IGF2BP3: variants seen among roughly 807,000 people sequenced by gnomAD.
The protein encoded by IGF2BP3 is insulin like growth factor 2 mRNA binding protein 3, also known as insulin-like growth factor 2 mRNA-binding protein 3.
IGF2BP3 carries 9 observed loss-of-function variants against 73.8 expected under a neutral mutation model. The observed-to-expected ratio is 0.12, with a 90% CI of 0.07 to 0.21. The LOEUF is 0.21. IGF2BP3 is among the 10% of genes least tolerant of loss of function. The pLI is 1.00. For synonymous variants in IGF2BP3, 258 were observed against 256.7 expected, an observed-to-expected ratio of 1.01 and a Z score of -0.05; for missense variants, 542 against 714.0, an observed-to-expected ratio of 0.76 and a Z score of 2.75.
intron 3 of IGF2BP3, chr7:23,394,577 T>C (rs2128522506): frequency 6.6e-6 from 1 of 152,312 alleles, no homozygotes; most frequent in East Asian, 1.9e-4. Context: ...AAGTTAAATA[T>C]TCTAACAATA....
chr7:23,326,253 C>A (rs1473544367), intron 10 of IGF2BP3, among the ~76,000 whole-genome samples: 1 of 152,012 alleles, frequency 6.6e-6, no homozygotes, highest in Non-Finnish European at 1.5e-5. Context: ...AAAAGTGGGC[C>A]AAGGACATGA....
intron 2 of IGF2BP3, among the ~76,000 whole-genome samples, chr7:23,449,654 C>A (rs1334241291): frequency 6.7e-6 from 1 of 148,264 alleles, no homozygotes; most frequent in African/African-American, 2.5e-5. Context: ...GCCTCCCAGG[C>A]TGAAGGGATT....
chr7:23,415,971 T>C (rs751118871), intron 3 of IGF2BP3, among the ~76,000 whole-genome samples: 1 of 152,220 alleles, frequency 6.6e-6, no homozygotes, highest in Non-Finnish European at 1.5e-5. Flanking sequence ...TATTATATCA[T>C]AGCTAAAACA....
At chr7:23,436,536 G>A (rs551018304) in intron 2 of IGF2BP3, among the ~76,000 whole-genome samples, 118 of 152,164 alleles carry the variant, frequency 7.8e-4, no homozygotes, top group African/African-American at 2.5e-3. Context: ...AGTCACCATC[G>A]ACACAAATGT....
At chr7:23,468,936 G>T (rs1444769935) in intron 1 of IGF2BP3, among the ~76,000 whole-genome samples, 1 of 152,188 alleles carries the variant, frequency 6.6e-6, no homozygotes, top group Non-Finnish European at 1.5e-5. Flanking sequence ...GGGCGCCCTG[G>T]CCCTGCCCTC....
At chr7:23,395,898 C>A (rs1786442017) in intron 3 of IGF2BP3, among the ~76,000 whole-genome samples, 1 of 152,048 alleles carries the variant, frequency 6.6e-6, no homozygotes, top group Non-Finnish European at 1.5e-5. Context: ...TGCACTCCAG[C>A]CTGGGCAACA....
At chr7:23,316,369 A>G (rs936224223) in intron 12 of IGF2BP3, among the ~76,000 whole-genome samples, 1 of 152,114 alleles carries the variant, frequency 6.6e-6, no homozygotes, top group Non-Finnish European at 1.5e-5. Context: ...AGTTACTGTT[A>G]CACTTTAAGG....
chr7:23,367,135 C>A (rs149951280), intron 3 of IGF2BP3, among the ~76,000 whole-genome samples: 170 of 152,180 alleles, frequency 1.1e-3, no homozygotes, highest in Non-Finnish European at 1.0e-3. Context: ...TGTGCCACCA[C>A]GCCTGGCTAC....
chr7:23,380,095 A>C (rs1240124889), intron 3 of IGF2BP3, among the ~76,000 whole-genome samples: 2 of 152,106 alleles, frequency 1.3e-5, no homozygotes, highest in African/African-American at 2.4e-5. Flanking sequence ...CGTGAATACA[A>C]AAGAATACCC....
intron 3 of IGF2BP3, among the ~76,000 whole-genome samples, chr7:23,364,571 A>AAAG (rs1562702129): frequency 1.2e-5 from 1 of 86,414 alleles, no homozygotes. Flanking sequence ...AAAAAAAAAA[A>AAAG]GCGGGAGGTT....
At chr7:23,434,940 G>A (rs775312180) in intron 2 of IGF2BP3, among the ~76,000 whole-genome samples, 4 of 151,998 alleles carry the variant, frequency 2.6e-5, no homozygotes, top group Non-Finnish European at 4.4e-5. Context: ...ATAAAACCTT[G>A]GCCAAAGTAT....
intron 2 of IGF2BP3, among the ~76,000 whole-genome samples, chr7:23,427,064 C>G (rs1228844481): frequency 4.6e-5 from 7 of 152,184 alleles, no homozygotes; most frequent in Non-Finnish European, 8.8e-5. Flanking sequence ...GACAATCAAT[C>G]CCACACACAT....
intron 2 of IGF2BP3, among the ~76,000 whole-genome samples, chr7:23,439,142 C>G (rs1261490361): frequency 6.6e-6 from 1 of 152,058 alleles, no homozygotes. Context: ...TACTCGAAGG[C>G]TGAGGCAAAA....
intron 3 of IGF2BP3, among the ~76,000 whole-genome samples, chr7:23,391,281 G>A (rs1483589645): frequency 6.6e-6 from 1 of 151,602 alleles, no homozygotes; most frequent in African/African-American, 2.4e-5. Flanking sequence ...TATATTTTTA[G>A]TAGAGACATG....
At chr7:23,315,501 C>G (rs886614285) in intron 12 of IGF2BP3, among the ~76,000 whole-genome samples, 1 of 152,140 alleles carries the variant, frequency 6.6e-6, no homozygotes, top group Admixed American at 6.5e-5. Flanking sequence ...CTATTACATA[C>G]AGCAAAGCAG....
At chr7:23,466,545 TG>T in intron 2 of IGF2BP3, among the ~76,000 whole-genome samples, 1 of 152,268 alleles carries the variant, frequency 6.6e-6, no homozygotes. Flanking sequence ...GTTAATAAAC[TG>T]AAGATACATT....
chr7:23,470,361 A>T lies in IGF2BP3; in HGVS notation c.-251T>A, dbSNP rs1336520589. 3.5e-6 allele frequency: 1 copy of T among 282,446 alleles called. No homozygotes were observed. The highest frequency in any genetic ancestry group is 2.2e-5 in the African/African-American group (1 of 45,424). 17.5% of individuals were successfully genotyped at this position (282,446 alleles called of 1,614,324 possible). On this transcript the variant is annotated 5_prime_UTR_variant, in exon 1 of 15. Coordinates refer to ENST00000258729, the MANE Select transcript of IGF2BP3 (RefSeq NM_006547.3). ...TAGCTACAACCCAAACGCATCCACC[A>T]GTCTTCCTAAGTCTTAGGAGGAGGC...
chr7:23,442,606 C>G (rs1584049538), intron 2 of IGF2BP3, among the ~76,000 whole-genome samples: 1 of 152,092 alleles, frequency 6.6e-6, no homozygotes, highest in East Asian at 1.9e-4. Context: ...CCATGTTGGT[C>G]AGGCTGGTCT....
At position 23,468,529 on chromosome 7, in the gene IGF2BP3, C is replaced by T. The variant is rs1390755774; in HGVS notation, c.189G>A (p.Leu63=). The T allele has an allele frequency of 1.9e-6, 3 of 1,614,222 alleles. No individual in the cohort carries two copies. In the Admixed American group the frequency reaches 5.0e-5, roughly 27 times the overall value. ...AIEALSGKIE[L]HGKPIEVEHS... ...GCTCAACTTCTATGGGTTTCCCGTG[C>T]AGTTCTATTTTACCTGCGGACACAC... The change falls in exon 2 of 15, where the codon CTG becomes CTA. Residue 63 remains leucine, a synonymous_variant. Coordinates refer to ENST00000258729, the MANE Select transcript of IGF2BP3 (RefSeq NM_006547.3).
Sources: allele counts gnomAD v4.1 joint callset (sites outside exome capture counted in the v4.1 genomes callset), GRCh38; gene constraint gnomAD v4.1.1; transcripts MANE v1.5; gene names NCBI Gene and HGNC (gene_info 2026-07-23, HGNC 2026-07-21).